The following NLGN4X variants were observed in gnomAD, a reference collection of about 807,000 sequenced individuals.
NLGN4X encodes the protein neuroligin-4, X-linked.
In NLGN4X, 3 loss-of-function variants were observed where a neutral mutation model predicts 40.3. The ratio of observed to expected loss-of-function variants is 0.07; its 90% CI spans 0.03 to 0.19. The LOEUF is 0.19. Ranked by LOEUF, NLGN4X falls within the 10% of genes least tolerant of loss-of-function variation. The probability of loss-of-function intolerance (pLI) is 1.00; values close to 1 mark genes in which losing one functional copy is unlikely to be tolerated. For synonymous variants in NLGN4X, 270 were observed against 306.8 expected (o/e 0.88, Z 1.25); for missense variants, 382 against 708.3 (o/e 0.54, Z 5.23).
intron 3 of NLGN4X, among the ~76,000 whole-genome samples, chrX:5,950,649 G>T (rs1457771100): frequency 1.8e-5 from 2 of 112,042 alleles, no homozygotes; most frequent in Non-Finnish European, 3.8e-5. Flanking sequence ...TAACCATAAG[G>T]ACTCTAAATG....
chrX:6,225,677 C>CTTTT (rs1926157453), intron 1 of NLGN4X, among the ~76,000 whole-genome samples: 1 of 40,623 alleles, frequency 2.5e-5, no homozygotes, highest in Non-Finnish European at 4.3e-5. Context: ...CCTTTTTTTT[C>CTTTT]TTTCTTTTTT....
At chrX:6,128,283 C>T (rs1473834895) in intron 2 of NLGN4X, among the ~76,000 whole-genome samples, 2 of 111,521 alleles carry the variant, frequency 1.8e-5, no homozygotes, top group African/African-American at 6.5e-5. Context: ...GCAGAGAATG[C>T]GCCAAGCTAT....
chrX:6,004,489 C>G (rs1319762146), intron 3 of NLGN4X, among the ~76,000 whole-genome samples: 1 of 111,365 alleles, frequency 9.0e-6, no homozygotes, highest in Non-Finnish European at 1.9e-5. Context: ...TACTCACAAA[C>G]ATCAATATGT....
intron 2 of NLGN4X, among the ~76,000 whole-genome samples, chrX:6,086,422 T>C (rs2038497971): frequency 8.9e-6 from 1 of 111,788 alleles, no homozygotes; most frequent in Non-Finnish European, 1.9e-5. Flanking sequence ...AGCAAAATGA[T>C]TGCAAGCCAT....
chrX:6,062,288 A>C (rs146410744), intron 2 of NLGN4X, among the ~76,000 whole-genome samples: 1 of 111,220 alleles, frequency 9.0e-6, no homozygotes, highest in African/African-American at 3.3e-5. Flanking sequence ...CAAATGTATA[A>C]AAAACTCCAA....
chrX:6,082,408 G>A (rs915476617), intron 2 of NLGN4X, among the ~76,000 whole-genome samples: 4 of 109,757 alleles, frequency 3.6e-5, no homozygotes, highest in Non-Finnish European at 7.6e-5. Flanking sequence ...GGGCATGGTG[G>A]TATGCACCTG....
intron 3 of NLGN4X, among the ~76,000 whole-genome samples, chrX:5,939,207 C>A (rs762847954): frequency 4.5e-5 from 5 of 110,861 alleles, no homozygotes; most frequent in Non-Finnish European, 7.5e-5. Context: ...TGGGGGTTTG[C>A]AGGATGGGAA....
At chrX:6,192,344 T>C (rs1438409054) in intron 1 of NLGN4X, among the ~76,000 whole-genome samples, 2 of 110,882 alleles carry the variant, frequency 1.8e-5, no homozygotes. Context: ...CCCAGGCTGG[T>C]CTCGAACTCC....
chrX:6,223,065 T>C, intron 1 of NLGN4X, among the ~76,000 whole-genome samples: 1 of 110,984 alleles, frequency 9.0e-6, no homozygotes, highest in Non-Finnish European at 1.9e-5. Context: ...TCACTATATA[T>C]ATAATAATAA....
At chrX:6,076,893 T>C (rs1447209968) in intron 2 of NLGN4X, among the ~76,000 whole-genome samples, 1 of 112,530 alleles carries the variant, frequency 8.9e-6, no homozygotes, top group African/African-American at 3.2e-5. Flanking sequence ...CTTCTCATGG[T>C]GTTTAGTGTG....
chrX:6,088,233 A>C (rs2038546874), intron 2 of NLGN4X, among the ~76,000 whole-genome samples: 3 of 112,787 alleles, frequency 2.7e-5, no homozygotes, highest in Non-Finnish European at 1.9e-5. Context: ...TGACCTTTTA[A>C]ACAATAGCAG....
chrX:5,918,524 A>C lies in NLGN4X; in HGVS notation c.626-9285T>G, dbSNP rs1052524543. Reference sequence around the variant, plus strand: ...GAATAGAAAGGTTATTGAAGAAGACAGACAATATTTTCTAGAATTGAGGAA... The same window carrying C: ...GAATAGAAAGGTTATTGAAGAAGACCGACAATATTTTCTAGAATTGAGGAA... On this transcript the variant is annotated intron_variant, in intron 3 of 5. Transcript: ENST00000381095. Among the ~76,000 whole-genome samples, 5 of 112,379 alleles carry C rather than the reference A, an allele frequency of 4.4e-5. No homozygotes were observed. In the East Asian group the frequency reaches 1.4e-3, roughly 31 times the overall value.
intron 3 of NLGN4X, among the ~76,000 whole-genome samples, chrX:5,938,966 C>T (rs5961893): frequency 4.8e-4 from 49 of 101,966 alleles, no homozygotes; most frequent in South Asian, 1.8e-3. Flanking sequence ...TGTGTGTGTG[C>T]GTGTGTGTGT....
chrX:5,942,910 AG>A (rs774429189), intron 3 of NLGN4X, among the ~76,000 whole-genome samples: 6 of 111,088 alleles, frequency 5.4e-5, no homozygotes, highest in Non-Finnish European at 9.4e-5. Context: ...CATCCACCCA[AG>A]ATTCTCGTTC....
chrX:6,032,841 C>A, intron 2 of NLGN4X: 1 of 500,006 alleles, frequency 2.0e-6, no homozygotes, highest in Non-Finnish European at 3.0e-6. Context: ...AGAGATGCTA[C>A]CCAGAAAAAG....
chrX:6,032,680 A>C (rs2036900403), intron 2 of NLGN4X: 1 of 1,171,757 alleles, frequency 8.5e-7, no homozygotes, highest in African/African-American at 1.8e-5. Context: ...CTTTGAAAAA[A>C]CAAAAAATAC....
chrX:5,957,987 T>C (rs1354317870), intron 3 of NLGN4X, among the ~76,000 whole-genome samples: 1 of 112,304 alleles, frequency 8.9e-6, no homozygotes, highest in Admixed American at 9.5e-5. Flanking sequence ...CTTTTCTTTG[T>C]CTTTATCACC....
At chrX:6,119,832 C>T (rs1316978877) in intron 2 of NLGN4X, among the ~76,000 whole-genome samples, 2 of 111,079 alleles carry the variant, frequency 1.8e-5, no homozygotes, top group African/African-American at 6.6e-5. Flanking sequence ...GTCATGAAGA[C>T]GTGATCTTTG....
chrX:5,938,155 CAAG>C (rs2033795703), intron 3 of NLGN4X, among the ~76,000 whole-genome samples: 2 of 111,127 alleles, frequency 1.8e-5, no homozygotes, highest in African/African-American at 6.6e-5. Flanking sequence ...AGTCAGGAGT[CAAG>C]GAGAAAAATA....
Sources: gnomAD v4.1 joint callset for allele counts (sites outside exome capture counted in the v4.1 genomes callset) on GRCh38, gnomAD v4.1.1 for gene constraint, MANE v1.5 for transcripts, NCBI Gene and HGNC (gene_info 2026-07-23, HGNC 2026-07-21) for gene names.